Variants in CAND2 observed in about 807,000 individuals in gnomAD.
The protein encoded by CAND2 is cullin-associated NEDD8-dissociated protein 2.
A neutral mutation model predicts 98.9 loss-of-function variants in CAND2; 62 were observed. That is an observed-to-expected ratio of 0.63 (90% confidence interval 0.51 to 0.77). CAND2 has a LOEUF of 0.77. CAND2 is among the 30% of genes least tolerant of loss of function. The pLI, the probability that CAND2 is intolerant of heterozygous loss-of-function variation, is 0.00. For missense variants in CAND2, 1,501 were observed against 1,655.2 expected (o/e 0.91, Z 1.62); for synonymous variants, 770 against 731.9 (o/e 1.05, Z -0.84).
chr3:12,818,374 G>A (rs911020625), intron 10 of CAND2, among the ~76,000 whole-genome samples: 2 of 152,238 alleles, frequency 1.3e-5, no homozygotes, highest in African/African-American at 2.4e-5. Context: ...CCCAGTAGCC[G>A]TAGACTGCAG....
intron 10 of CAND2, among the ~76,000 whole-genome samples, chr3:12,818,273 AC>A (rs1307943568): frequency 0.021 from 3,072 of 147,550 alleles, 112 homozygotes; most frequent in African/African-American, 0.073. Flanking sequence ...AAAAAAAAAA[AC>A]AAAACAAAAA....
chr3:12,812,452 C>T (rs1487469037), intron 5 of CAND2, among the ~76,000 whole-genome samples: 5 of 121,282 alleles, frequency 4.1e-5, no homozygotes, highest in East Asian at 2.3e-4. Flanking sequence ...GGCCAGACTG[C>T]GGACTGCAGT....
At position 12,815,443 on chromosome 3, in the gene CAND2, C is replaced by A. The variant is rs1388169234; in HGVS notation, c.1299+10C>A. ...TATGCTACGTGGACAGGTGGGCGTG[C>A]CTTCACCTCCACCCCTACCCCCGAT... On this transcript the variant is annotated intron_variant, in intron 8 of 14. Coordinates refer to ENST00000456430, the MANE Select transcript of CAND2 (RefSeq NM_001162499.2). The surrounding 1 kb of genome is among the most constrained non-coding windows in gnomAD (Gnocchi z 5.7). 2 of 1,600,330 alleles carry A rather than the reference C, an allele frequency of 1.2e-6. No individual in the cohort carries two copies. The highest frequency in any genetic ancestry group is 1.7e-6 in the Non-Finnish European group (2 of 1,170,552).
At chr3:12,810,364 G>C in intron 5 of CAND2, 40 bp downstream of exon 5, 3 of 1,399,062 alleles carry the variant, frequency 2.1e-6, no homozygotes, top group Non-Finnish European at 2.8e-6. Flanking sequence ...GGCATGGTGG[G>C]CGGAGCTTAG....
chr3:12,818,603 C>T (rs2061929079), intron 10 of CAND2, among the ~76,000 whole-genome samples: 1 of 152,218 alleles, frequency 6.6e-6, no homozygotes, highest in Non-Finnish European at 1.5e-5. Context: ...AATGAGAGTT[C>T]CCAGAATGAA....
rs2061782254 is a variant in CAND2, at chr3:12,803,529, A to G, written c.110A>G (p.Asp37Gly). The change falls in exon 2 of 15, where the codon GAC (aspartate) becomes GGC (glycine). Residue 37 changes from aspartate to glycine, a missense_variant. By Grantham distance (94) the Asp-to-Gly change is moderately conservative (BLOSUM62 -1). Around this residue, in one of 3 missense-constraint regions of CAND2, gnomAD observed 62 missense variants for 77.3 expected, o/e 0.80. Transcript: ENST00000456430. ...GACCTGATGTCGGAGTTGCAGAAGG[A>G]CTCCATCCAGCTGGACGAGGACAGC... is the stretch of plus-strand genomic sequence containing the variant. ...TSDLMSELQKDSIQLDEDSER... is the reference protein window; with the variant it reads ...TSDLMSELQKGSIQLDEDSER... 5 of 1,613,076 alleles carry G rather than the reference A, an allele frequency of 3.1e-6. No individual in the cohort carries two copies. Among genetic ancestry groups the G allele is most frequent in the Non-Finnish European group, 4.2e-6 (5 of 1,179,652 alleles).
At chr3:12,833,483 C>G (rs1575785782) in intron 14 of CAND2, among the ~76,000 whole-genome samples, 2 of 152,150 alleles carry the variant, frequency 1.3e-5, no homozygotes, top group African/African-American at 4.8e-5. Flanking sequence ...TAACAAAAAG[C>G]GAGCACTTCA....
At chr3:12,801,034 ATT>A (rs372893921) in intron 1 of CAND2, among the ~76,000 whole-genome samples, 2,379 of 100,572 alleles carry the variant, frequency 0.024, 48 homozygotes, top group African/African-American at 0.075. Flanking sequence ...GGAAATCAGT[ATT>A]TTTTTTTTTT....
At chr3:12,828,231 A>C (rs1264015836) in intron 13 of CAND2, among the ~76,000 whole-genome samples, 1 of 152,096 alleles carries the variant, frequency 6.6e-6, no homozygotes, top group Non-Finnish European at 1.5e-5. Flanking sequence ...TCATTTTTTT[A>C]AATGTTAAAG....
At chr3:12,803,837 A>T (rs1214651959) in intron 2 of CAND2, among the ~76,000 whole-genome samples, 1 of 152,124 alleles carries the variant, frequency 6.6e-6, no homozygotes, top group African/African-American at 2.4e-5. Context: ...CCCAGGAAAC[A>T]TGGTAGAGGA....
At chr3:12,803,330 T>C (rs963915769) in intron 1 of CAND2, among the ~76,000 whole-genome samples, 158 bp from the exon 2 acceptor site, 10 of 152,210 alleles carry the variant, frequency 6.6e-5, no homozygotes, top group Non-Finnish European at 1.5e-5. Flanking sequence ...ATTGTATATG[T>C]TGCCTGTCAC....
chr3:12,799,723 A>G (rs1039760455), intron 1 of CAND2, among the ~76,000 whole-genome samples: 2 of 152,152 alleles, frequency 1.3e-5, no homozygotes, highest in Non-Finnish European at 2.9e-5. Flanking sequence ...GTACAGTCCA[A>G]TGGAGAAGAT....
chr3:12,812,269 G>GCTGGAGTA (rs1165391541), intron 5 of CAND2, among the ~76,000 whole-genome samples: 2 of 134,542 alleles, frequency 1.5e-5, no homozygotes, highest in Non-Finnish European at 3.1e-5. Flanking sequence ...TGTCCCCCAG[G>GCTGGAGTA]CTGGAGTACG....
chr3:12,831,301 T>C (rs1233620093), intron 13 of CAND2, among the ~76,000 whole-genome samples, 164 bp from the exon 14 acceptor site: 1 of 152,022 alleles, frequency 6.6e-6, no homozygotes, highest in African/African-American at 2.4e-5. Flanking sequence ...AGTGTCACCA[T>C]TTGAGGAAAC....
rs61044836 is a variant in CAND2, at chr3:12,828,806, G to T, written c.3375+1202G>T. On this transcript the variant is annotated intron_variant, in intron 13 of 14. Coordinates refer to ENST00000456430, the MANE Select transcript of CAND2 (RefSeq NM_001162499.2). The stretch of plus-strand genomic sequence containing the variant: ...TTGACTACTCTAGGTTTCTGCCCTT[G>T]TAAGTGGAATCATACAGTATTTGTC... Among the ~76,000 whole-genome samples the T allele has an allele frequency of 2.4e-4, 36 of 152,300 alleles. 1 individual carries two copies. Among genetic ancestry groups the T allele is most frequent in the African/African-American group, 8.7e-4 (36 of 41,558 alleles).
At chr3:12,827,054 A>G (rs988757786) in intron 12 of CAND2, among the ~76,000 whole-genome samples, 2 of 151,684 alleles carry the variant, frequency 1.3e-5, no homozygotes, top group Non-Finnish European at 2.9e-5. Flanking sequence ...GATGGCCTCA[A>G]TCTCCTGACT....
chr3:12,821,258 G>A (rs1161741075), intron 11 of CAND2, among the ~76,000 whole-genome samples: 1 of 151,440 alleles, frequency 6.6e-6, no homozygotes, highest in Non-Finnish European at 1.5e-5. Flanking sequence ...AAATTAGTTG[G>A]GCATGGTGGT....
In CAND2 at chr3:12,815,135, C is replaced by T. The variant is rs1360260747; in HGVS notation, c.1007-6C>T. The T allele has an allele frequency of 1.2e-6, 2 of 1,600,084 alleles. No individual in the cohort carries two copies. Among genetic ancestry groups the T allele is most frequent in the Non-Finnish European group, 1.7e-6 (2 of 1,170,528 alleles). ...GGGTTCCACGTGTGTCTTGTTCCTG[C>T]CCCAGAGAGTGAAGACGAGTACAGC... On this transcript the variant is annotated splice_polypyrimidine_tract_variant and splice_region_variant and intron_variant, in intron 7 of 14. Transcript: ENST00000456430. This position sits in a 1 kb window ranked among gnomAD's most constrained non-coding sequence, Gnocchi z 5.7.
intron 5 of CAND2, among the ~76,000 whole-genome samples, chr3:12,811,198 C>T (rs1052671249): frequency 7.9e-5 from 12 of 152,314 alleles, no homozygotes; most frequent in African/African-American, 2.6e-4. Context: ...CCTCAGCCAT[C>T]CTTGGTTGCA....
Sources: allele counts gnomAD v4.1 joint callset (sites outside exome capture counted in the v4.1 genomes callset), GRCh38; gene constraint gnomAD v4.1.1; regional missense constraint gnomAD v4.1.1; non-coding constraint Gnocchi (gnomAD v3.1); transcripts MANE v1.5; gene names NCBI Gene and HGNC (gene_info 2026-07-23, HGNC 2026-07-21).